KCNH1: variants seen among roughly 807,000 people sequenced by gnomAD.
The protein encoded by KCNH1 is potassium voltage-gated channel subfamily H member 1, also known as voltage-gated delayed rectifier potassium channel KCNH1.
In KCNH1, 27 loss-of-function variants were observed where a neutral mutation model predicts 69.2. The ratio of observed to expected loss-of-function variants is 0.39; its 90% CI spans 0.29 to 0.54. The LOEUF is 0.54. KCNH1 is among the 20% of genes least tolerant of loss of function. The pLI, the probability that KCNH1 is intolerant of heterozygous loss-of-function variation, is 0.68. For synonymous variants in KCNH1, 456 were observed against 487.7 expected (o/e 0.93, Z 0.86); for missense variants, 798 against 1,261.6 (o/e 0.63, Z 5.57).
At chr1:210,925,894 T>A (rs573300200) in intron 6 of KCNH1, among the ~76,000 whole-genome samples, 1 of 152,228 alleles carries the variant, frequency 6.6e-6, no homozygotes, top group African/African-American at 2.4e-5. Context: ...CAAGTTTCTA[T>A]CCTCCCTAAA....
intron 5 of KCNH1, among the ~76,000 whole-genome samples, chr1:211,025,796 C>A (rs911067971): frequency 1.3e-5 from 2 of 152,114 alleles, no homozygotes; most frequent in African/African-American, 4.8e-5. Context: ...CTTGCTAGCT[C>A]CTTGCTTCTA....
At chr1:210,811,222 C>T (rs1256406768) in intron 7 of KCNH1, among the ~76,000 whole-genome samples, 7 of 152,246 alleles carry the variant, frequency 4.6e-5, no homozygotes, top group South Asian at 4.1e-4. Context: ...TATCAGGAGG[C>T]GCAATGACCC....
chr1:211,087,240 C>T (rs1185028478), intron 4 of KCNH1, among the ~76,000 whole-genome samples: 1 of 152,064 alleles, frequency 6.6e-6, no homozygotes, highest in Non-Finnish European at 1.5e-5. Context: ...TTCCTTTTGT[C>T]GTCTGTATTT....
intron 5 of KCNH1, 28 bp from the exon 6 acceptor site, chr1:211,019,284 A>T: frequency 6.9e-7 from 1 of 1,454,802 alleles, no homozygotes; most frequent in Non-Finnish European, 9.4e-7. Context: ...ACCAAGAGAG[A>T]ACTAAGTTAG....
intron 6 of KCNH1, among the ~76,000 whole-genome samples, chr1:210,970,634 T>C (rs1688495695): frequency 6.6e-6 from 1 of 152,066 alleles, no homozygotes; most frequent in African/African-American, 2.4e-5. Flanking sequence ...ATACAAAAAT[T>C]AACTCAAAAT....
intron 7 of KCNH1, among the ~76,000 whole-genome samples, chr1:210,894,778 C>T (rs1441803346): frequency 1.3e-5 from 2 of 152,174 alleles, no homozygotes; most frequent in Non-Finnish European, 2.9e-5. Flanking sequence ...TCATGAAGGC[C>T]CTAACAAGAT....
intron 6 of KCNH1, among the ~76,000 whole-genome samples, chr1:210,982,405 G>T (rs1688730967): frequency 6.6e-6 from 1 of 151,886 alleles, no homozygotes; most frequent in Non-Finnish European, 1.5e-5. Flanking sequence ...TATCTCCAAT[G>T]CTATCCCTCC....
chr1:210,965,816 T>C (rs1416011898), intron 6 of KCNH1, among the ~76,000 whole-genome samples: 1 of 152,142 alleles, frequency 6.6e-6, no homozygotes, highest in African/African-American at 2.4e-5. Context: ...CCCAAAGTAA[T>C]TGATAGATTC....
chr1:211,128,616 G>A (rs920261610), intron 1 of KCNH1, among the ~76,000 whole-genome samples: 14 of 152,132 alleles, frequency 9.2e-5, no homozygotes, highest in Admixed American at 9.2e-4. Flanking sequence ...CACAGGTGGC[G>A]ATGGCATACA....
intron 6 of KCNH1, 122 bp from the exon 7 acceptor site, chr1:210,920,191 ACCCTT>A: frequency 1.2e-6 from 1 of 810,538 alleles, no homozygotes; most frequent in Non-Finnish European, 1.9e-6. Flanking sequence ...ATTTTATGCA[ACCCTT>A]AAAAAAAGTA....
At chr1:210,970,561 T>A (rs1574369669) in intron 6 of KCNH1, among the ~76,000 whole-genome samples, 1 of 152,062 alleles carries the variant, frequency 6.6e-6, no homozygotes, top group Admixed American at 6.6e-5. Flanking sequence ...TTTAATAAAT[T>A]GTGCTGGGAA....
chr1:210,946,013 C>T (rs1687952123), intron 6 of KCNH1, among the ~76,000 whole-genome samples: 1 of 152,190 alleles, frequency 6.6e-6, no homozygotes, highest in Non-Finnish European at 1.5e-5. Flanking sequence ...GTCCTCAGCA[C>T]CCAGAACACT....
At chr1:211,082,948 T>C (rs762650591) in intron 4 of KCNH1, 50 bp from the exon 5 acceptor site, 4 of 1,436,538 alleles carry the variant, frequency 2.8e-6, no homozygotes, top group Non-Finnish European at 3.9e-6. Flanking sequence ...ATCCCAAAGG[T>C]GCACAGACAT....
In KCNH1 at chr1:210,964,869, C is replaced by T. The variant is rs574731029; in HGVS notation, c.1033-44800G>A. ...AATCCTCAATAAAATACTGGCAAAC[C>T]GAATCCAGCAGCACATCAAAAAGCT... On this transcript the variant is annotated intron_variant, in intron 6 of 10. Transcript: ENST00000271751. 1.1e-4 allele frequency among the ~76,000 whole-genome samples: 17 copies of T among 152,208 alleles called. No individual in the cohort carries two copies. In the South Asian group the frequency reaches 3.1e-3, roughly 28 times the overall value.
At chr1:210,740,747 T>C (rs1683009894) in intron 10 of KCNH1, among the ~76,000 whole-genome samples, 1 of 144,598 alleles carries the variant, frequency 6.9e-6, no homozygotes, top group South Asian at 2.2e-4. Context: ...AAAGAAACTT[T>C]GGAAGAATCA....
At chr1:210,728,421 G>A (rs1172286433) in intron 10 of KCNH1, among the ~76,000 whole-genome samples, 1 of 152,148 alleles carries the variant, frequency 6.6e-6, no homozygotes, top group Non-Finnish European at 1.5e-5. Context: ...TAAAAAGGAT[G>A]GAGTAATGAA....
chr1:211,131,548 T>C (rs960343111), intron 1 of KCNH1, among the ~76,000 whole-genome samples: 4 of 152,216 alleles, frequency 2.6e-5, no homozygotes, highest in African/African-American at 9.6e-5. Flanking sequence ...TATTCAAAGG[T>C]AAAATGCTAT....
intron 7 of KCNH1, among the ~76,000 whole-genome samples, chr1:210,888,952 C>G (rs1417601326): frequency 6.6e-6 from 1 of 152,120 alleles, no homozygotes; most frequent in Admixed American, 6.6e-5. Context: ...CAGACAGATT[C>G]AAAGCTGAAT....
chr1:210,978,911 A>C (rs1688662994), intron 6 of KCNH1, among the ~76,000 whole-genome samples: 1 of 152,158 alleles, frequency 6.6e-6, no homozygotes, highest in Non-Finnish European at 1.5e-5. Context: ...TGGGCCCTTT[A>C]GTGTCTCCTC....
Sources: allele counts gnomAD v4.1 joint callset (sites outside exome capture counted in the v4.1 genomes callset), GRCh38; gene constraint gnomAD v4.1.1; transcripts MANE v1.5; gene names NCBI Gene and HGNC (gene_info 2026-07-23, HGNC 2026-07-21).